CYB5R4: variants seen among roughly 807,000 people sequenced by gnomAD.
CYB5R4 encodes the protein N-terminal cytochrome b5 and cytochrome b5 oxidoreductase domain-containing protein.
CYB5R4 carries 55 observed loss-of-function variants against 70.2 expected under a neutral mutation model. The observed-to-expected ratio is 0.78, with a 90% CI of 0.63 to 0.98. CYB5R4 has a LOEUF of 0.98. CYB5R4 is among the 50% of genes least tolerant of loss of function. CYB5R4 has a pLI of 0.00. For synonymous variants in CYB5R4, 197 were observed against 199.5 expected (o/e 0.99, Z 0.11); for missense variants, 562 against 612.6 (o/e 0.92, Z 0.87).
intron 2 of CYB5R4, among the ~76,000 whole-genome samples, chr6:83,873,397 A>T (rs2099457979): frequency 6.6e-6 from 1 of 150,680 alleles, no homozygotes; most frequent in Admixed American, 6.6e-5. Context: ...CGATCACCAC[A>T]CTCGGCTAAT....
chr6:83,923,898 T>C (rs1193253115), intron 9 of CYB5R4, among the ~76,000 whole-genome samples: 1 of 150,480 alleles, frequency 6.6e-6, no homozygotes, highest in Non-Finnish European at 1.5e-5. Flanking sequence ...ACCCCATCTC[T>C]ACTAAAAATA....
chr6:83,957,109 ACT>A (rs1376465993), intron 15 of CYB5R4, among the ~76,000 whole-genome samples: 5 of 151,878 alleles, frequency 3.3e-5, no homozygotes, highest in Non-Finnish European at 7.4e-5. Context: ...TTTTAGTTAA[ACT>A]CTCTCAACTT....
intron 10 of CYB5R4, among the ~76,000 whole-genome samples, chr6:83,928,237 G>A (rs1020199857): frequency 6.6e-6 from 1 of 152,198 alleles, no homozygotes; most frequent in African/African-American, 2.4e-5. Context: ...TACACCTTGT[G>A]TGTAGGAGAC....
intron 2 of CYB5R4, among the ~76,000 whole-genome samples, chr6:83,881,526 C>T (rs903893923): frequency 6.6e-6 from 1 of 152,170 alleles, no homozygotes; most frequent in Non-Finnish European, 1.5e-5. Flanking sequence ...CTATGACTTT[C>T]GGAGCTGCCT....
In CYB5R4 at chr6:83,921,125, C is replaced by A; in HGVS notation, c.608C>A (p.Ser203Tyr). 6.5e-7 allele frequency: 1 copy of A among 1,530,444 alleles called. No homozygotes were observed. The highest frequency in any genetic ancestry group is 8.9e-7 in the Non-Finnish European group (1 of 1,122,676). The allele number at this position is 1,530,444 out of a possible 1,614,324, so 94.8% of individuals were successfully genotyped here. ...DSIIVDHQNDSFRAETIIKDC... is the reference protein window; with the variant it reads ...DSIIVDHQNDYFRAETIIKDC... ...ATAATAGTTGATCATCAGAATGATT[C>A]CTTTAGAGCAGAAACAATTATTAAG... is the stretch of plus-strand genomic sequence containing the variant. The change falls in exon 8 of 16, where the codon TCC (serine) becomes TAC (tyrosine). Residue 203 changes from serine to tyrosine, a missense_variant. Transcript: ENST00000369681.
intron 1 of CYB5R4, among the ~76,000 whole-genome samples, chr6:83,861,524 T>C (rs1363306237): frequency 1.3e-5 from 2 of 152,260 alleles, no homozygotes; most frequent in African/African-American, 4.8e-5. Context: ...TCTTTGGAGT[T>C]TGCATGCTCT....
chr6:83,886,886 G>A (rs1280080798), intron 2 of CYB5R4, among the ~76,000 whole-genome samples: 1 of 152,190 alleles, frequency 6.6e-6, no homozygotes, highest in Admixed American at 6.5e-5. Context: ...AATGCTCACA[G>A]TAACGCTGTT....
intron 10 of CYB5R4, among the ~76,000 whole-genome samples, chr6:83,932,088 A>G: frequency 6.6e-6 from 1 of 152,078 alleles, no homozygotes; most frequent in African/African-American, 2.4e-5. Flanking sequence ...GCTGAGAATG[A>G]TGGTATACTT....
intron 10 of CYB5R4, among the ~76,000 whole-genome samples, chr6:83,931,308 A>G (rs921368383): frequency 6.6e-6 from 1 of 152,164 alleles, no homozygotes; most frequent in African/African-American, 2.4e-5. Flanking sequence ...TTTAACTTCT[A>G]TAAGCTTCTG....
At position 83,966,147 on chromosome 6, in the gene CYB5R4, G is replaced by A. The variant is rs1245933294; in HGVS notation, c.*6269G>A. ...CAGGAATAGGGGATAATAACTAAAG[G>A]GTTGGGAGGGTGTTTTTGAAATGCT... is the stretch of plus-strand genomic sequence containing the variant. On this transcript the variant is annotated 3_prime_UTR_variant, in exon 16 of 16. Coordinates refer to ENST00000369681, the MANE Select transcript of CYB5R4 (RefSeq NM_016230.4). 4 of 152,120 alleles carry A rather than the reference G, an allele frequency of 2.6e-5. No individual in the cohort carries two copies. The highest frequency in any genetic ancestry group is 9.7e-5 in the African/African-American group (4 of 41,404). The allele number at this position is 152,120 out of a possible 1,614,324, so 9.4% of individuals were successfully genotyped here.
Position 83,918,057 on chromosome 6 carries a change from T to C in CYB5R4, c.498T>C (p.Ser166=). ...ATACACTTGCCAAAGAAGGTCCTAG[T>C]TATCCAAGGTATGCATTCTTATTTA... The part of the protein sequence containing the change: ...VTDTLAKEGP[S]YPSYDWFQTD... The change falls in exon 6 of 16, where the codon AGT becomes AGC. Residue 166 remains serine (S), a synonymous_variant. Transcript: ENST00000369681. 1 of 1,610,234 alleles carries C rather than the reference T, an allele frequency of 6.2e-7. No individual in the cohort carries two copies. The highest frequency in any genetic ancestry group is 8.5e-7 in the Non-Finnish European group (1 of 1,176,966).
intron 14 of CYB5R4, 65 bp downstream of exon 14, chr6:83,940,666 CTTCTCTGG>C: frequency 6.0e-6 from 9 of 1,506,124 alleles, no homozygotes; most frequent in Non-Finnish European, 8.0e-6. Flanking sequence ...TATGCCTTAT[CTTCTCTGG>C]TTGAAGCTTT....
intron 3 of CYB5R4, among the ~76,000 whole-genome samples, chr6:83,897,080 GC>G (rs2099462033): frequency 6.8e-6 from 1 of 146,316 alleles, no homozygotes; most frequent in Admixed American, 7.0e-5. Context: ...CTCACAACAG[GC>G]CCCGGTGTGT....
chr6:83,934,299 TA>T (rs2099468595), intron 10 of CYB5R4, among the ~76,000 whole-genome samples: 1 of 151,980 alleles, frequency 6.6e-6, no homozygotes, highest in Admixed American at 6.6e-5. Context: ...AAAATTAGGT[TA>T]TTTTTTATAA....
At chr6:83,877,869 T>G (rs1403955355) in intron 2 of CYB5R4, among the ~76,000 whole-genome samples, 1 of 152,194 alleles carries the variant, frequency 6.6e-6, no homozygotes, top group Admixed American at 6.5e-5. Flanking sequence ...CTGCTTGGGG[T>G]TCTCCAAATT....
intron 2 of CYB5R4, among the ~76,000 whole-genome samples, chr6:83,882,291 G>A (rs2099459570): frequency 6.6e-6 from 1 of 152,104 alleles, no homozygotes; most frequent in Admixed American, 6.6e-5. Context: ...TCAGAAGTTG[G>A]GGCATCTGCG....
chr6:83,928,111 G>A (rs1372849632), intron 10 of CYB5R4, among the ~76,000 whole-genome samples: 1 of 152,130 alleles, frequency 6.6e-6, no homozygotes, highest in Non-Finnish European at 1.5e-5. Context: ...AGGATTTTAG[G>A]AGTTCTATGT....
At chr6:83,909,537 T>A (rs2099464345) in intron 4 of CYB5R4, among the ~76,000 whole-genome samples, 3 of 152,082 alleles carry the variant, frequency 2.0e-5, no homozygotes, top group Non-Finnish European at 4.4e-5. Context: ...ACCAGTTTCT[T>A]CCCCCTAGCT....
In CYB5R4 at chr6:83,964,003, C is replaced by A. The variant is rs1181295197; in HGVS notation, c.*4125C>A. The stretch of plus-strand genomic sequence containing the variant: ...GCCGCCATGTAAGAAGTGCCTTTCA[C>A]CTCCTGCCATGATTCTGAGGCCTCC... On this transcript the variant is annotated 3_prime_UTR_variant, in exon 16 of 16. Transcript: ENST00000369681. The A allele has an allele frequency of 8.6e-6, 2 of 231,498 alleles. No homozygotes were observed. The highest frequency in any genetic ancestry group is 4.7e-5 in the African/African-American group (2 of 42,698). The allele number at this position is 231,498 out of a possible 1,614,324, so 14.3% of individuals were successfully genotyped here.
Sources: allele counts gnomAD v4.1 joint callset (sites outside exome capture counted in the v4.1 genomes callset), GRCh38; gene constraint gnomAD v4.1.1; transcripts MANE v1.5; gene names NCBI Gene and HGNC (gene_info 2026-07-23, HGNC 2026-07-21).